The following GULP1 variants were observed in gnomAD, a reference collection of about 807,000 sequenced individuals.
GULP1 encodes PTB domain-containing engulfment adapter protein 1.
In GULP1, 19 loss-of-function variants were observed where a neutral mutation model predicts 40.9. The ratio of observed to expected loss-of-function variants is 0.46; its 90% CI spans 0.32 to 0.68. The LOEUF is 0.68. Among genes scored for constraint, GULP1 ranks in the 30% least tolerant of loss-of-function variants. The probability of loss-of-function intolerance (pLI) is 0.03; values close to 1 mark genes in which losing one functional copy is unlikely to be tolerated. For synonymous variants in GULP1, 119 were observed against 117.6 expected (o/e 1.01, Z -0.08); for missense variants, 312 against 362.2 (o/e 0.86, Z 1.12).
intron 1 of GULP1, among the ~76,000 whole-genome samples, chr2:188,367,344 T>A (rs1455973994): frequency 3.3e-5 from 5 of 152,106 alleles, no homozygotes; most frequent in African/African-American, 1.2e-4. Context: ...GACAGTTGCG[T>A]TCTAGTGAGT....
intron 1 of GULP1, among the ~76,000 whole-genome samples, chr2:188,316,562 G>T (rs1053094732): frequency 3.3e-5 from 5 of 152,020 alleles, no homozygotes; most frequent in South Asian, 4.2e-4. Context: ...TTCACACAGC[G>T]CCCTGACTGC....
rs1704291743 is a variant in GULP1, at chr2:188,595,522, T to A, written c.*1511T>A. Reference sequence around the variant, plus strand: ...TAATTAGAGGGCAATATATGTTTCATAAAGAAGAGTCTTTATAATTTTGTT... The same window carrying A: ...TAATTAGAGGGCAATATATGTTTCAAAAAGAAGAGTCTTTATAATTTTGTT... On this transcript the variant is annotated 3_prime_UTR_variant, in exon 12 of 12. Coordinates refer to ENST00000409830, the MANE Select transcript of GULP1 (RefSeq NM_016315.4). 6.6e-6 allele frequency: 1 copy of A among 152,198 alleles called. No individual in the cohort carries two copies. Among genetic ancestry groups the A allele is most frequent in the Non-Finnish European group, 1.5e-5 (1 of 67,762 alleles). 9.4% of individuals were successfully genotyped at this position (152,198 alleles called of 1,614,324 possible).
intron 1 of GULP1, among the ~76,000 whole-genome samples, chr2:188,351,817 ATACT>A (rs1327944194): frequency 2.6e-5 from 4 of 152,158 alleles, no homozygotes; most frequent in Non-Finnish European, 5.9e-5. Context: ...ATTCCTGTAC[ATACT>A]TCTCGTATTA....
chr2:188,368,240 A>G (rs116538173), intron 1 of GULP1, among the ~76,000 whole-genome samples: 1 of 152,180 alleles, frequency 6.6e-6, no homozygotes, highest in African/African-American at 2.4e-5. Flanking sequence ...AAACTGAGAA[A>G]GAATGTGTTT....
intron 9 of GULP1, among the ~76,000 whole-genome samples, chr2:188,576,325 G>A (rs1474254019): frequency 1.3e-5 from 2 of 151,976 alleles, no homozygotes; most frequent in Non-Finnish European, 2.9e-5. Flanking sequence ...TTTGGTCACT[G>A]TGAGCTTATG....
intron 2 of GULP1, among the ~76,000 whole-genome samples, chr2:188,408,896 C>A (rs545665171): frequency 6.6e-5 from 10 of 152,018 alleles, no homozygotes; most frequent in Non-Finnish European, 1.2e-4. Context: ...GGTAATTAAA[C>A]CAACGGGTCA....
At chr2:188,480,930 T>G (rs939045749) in intron 3 of GULP1, among the ~76,000 whole-genome samples, 5 of 151,972 alleles carry the variant, frequency 3.3e-5, no homozygotes, top group African/African-American at 4.8e-5. Flanking sequence ...ATCTATTCAT[T>G]AACCAGCATT....
intron 2 of GULP1, among the ~76,000 whole-genome samples, chr2:188,475,984 T>C (rs1325291577): frequency 6.6e-6 from 1 of 152,086 alleles, no homozygotes; most frequent in East Asian, 1.9e-4. Context: ...AGGACTGCAG[T>C]AGAACTAGTT....
intron 6 of GULP1, among the ~76,000 whole-genome samples, chr2:188,530,207 G>T (rs1687194164): frequency 6.6e-6 from 1 of 152,096 alleles, no homozygotes; most frequent in Non-Finnish European, 1.5e-5. Context: ...ACAACCCTAG[G>T]TGAATGGCCT....
intron 1 of GULP1, among the ~76,000 whole-genome samples, chr2:188,299,164 A>G (rs891622082): frequency 7.2e-6 from 1 of 138,730 alleles, no homozygotes; most frequent in South Asian, 2.2e-4. Context: ...CTAAGGACAG[A>G]GCAGGTGACT....
chr2:188,508,382 A>G (rs2064145739), intron 4 of GULP1, among the ~76,000 whole-genome samples: 1 of 152,214 alleles, frequency 6.6e-6, no homozygotes, highest in African/African-American at 2.4e-5. Context: ...TAACAAAAGC[A>G]TGATTTGCAA....
chr2:188,304,716 A>G (rs1425340058), intron 1 of GULP1, among the ~76,000 whole-genome samples: 1 of 152,102 alleles, frequency 6.6e-6, no homozygotes, highest in African/African-American at 2.4e-5. Context: ...TGAGCTACTT[A>G]TTTCCTGCTC....
intron 7 of GULP1, among the ~76,000 whole-genome samples, chr2:188,564,307 A>G (rs1484519241): frequency 6.6e-6 from 1 of 151,822 alleles, no homozygotes; most frequent in Non-Finnish European, 1.5e-5. Flanking sequence ...AATAGGAAAA[A>G]ATTGTCTTTT....
At chr2:188,468,530 G>T (rs371082464) in intron 2 of GULP1, among the ~76,000 whole-genome samples, 2 of 152,124 alleles carry the variant, frequency 1.3e-5, no homozygotes, top group South Asian at 2.1e-4. Context: ...GAGAAGCAAA[G>T]ATAACACCAT....
At chr2:188,338,219 A>G (rs557295465) in intron 1 of GULP1, among the ~76,000 whole-genome samples, 2 of 152,162 alleles carry the variant, frequency 1.3e-5, no homozygotes, top group South Asian at 4.2e-4. Flanking sequence ...TCATTGGTAC[A>G]ACTGAAGTAT....
chr2:188,394,677 A>G (rs1483391123), intron 2 of GULP1, among the ~76,000 whole-genome samples: 1 of 151,962 alleles, frequency 6.6e-6, no homozygotes, highest in Non-Finnish European at 1.5e-5. Context: ...GTTATTCTTT[A>G]ATTTGTTTTT....
intron 4 of GULP1, among the ~76,000 whole-genome samples, chr2:188,496,547 G>A (rs913018779): frequency 1.3e-5 from 2 of 151,884 alleles, no homozygotes; most frequent in African/African-American, 4.8e-5. Flanking sequence ...GAAGAAACAT[G>A]TCAATAAAAA....
At chr2:188,448,056 C>T (rs1357700890) in intron 2 of GULP1, among the ~76,000 whole-genome samples, 3 of 152,096 alleles carry the variant, frequency 2.0e-5, no homozygotes. Flanking sequence ...ATAGTCTGTG[C>T]CAGGTCCAAA....
chr2:188,506,354 A>G (rs1260937875), intron 4 of GULP1, among the ~76,000 whole-genome samples: 19 of 151,934 alleles, frequency 1.3e-4, no homozygotes, highest in Admixed American at 1.2e-3. Context: ...ATTTCAAATC[A>G]GTACATAAAA....
Sources: allele counts gnomAD v4.1 joint callset (sites outside exome capture counted in the v4.1 genomes callset), GRCh38; gene constraint gnomAD v4.1.1; transcripts MANE v1.5; gene names NCBI Gene and HGNC (gene_info 2026-07-23, HGNC 2026-07-21).